The following CYP2C8 variants were observed in gnomAD, a reference collection of about 807,000 sequenced individuals.
CYP2C8 encodes the protein cytochrome P450 2C8.
A neutral mutation model predicts 41.3 loss-of-function variants in CYP2C8; 51 were observed. The observed-to-expected ratio is 1.24, with a 90% CI of 0.99 to 1.56. The LOEUF (loss-of-function observed/expected upper bound fraction) is 1.56. Among genes scored for constraint, CYP2C8 ranks in the 40% most tolerant of loss-of-function variants. The pLI is 0.00. For synonymous variants in CYP2C8, 218 were observed against 205.8 expected, an observed-to-expected ratio of 1.06 and a Z score of -0.51; for missense variants, 651 against 579.9, an observed-to-expected ratio of 1.12 and a Z score of -1.26.
intron 7 of CYP2C8, among the ~76,000 whole-genome samples, chr10:95,039,700 T>C (rs1393482827): frequency 6.6e-6 from 1 of 152,188 alleles, no homozygotes; most frequent in Non-Finnish European, 1.5e-5. Context: ...CGGATAATCT[T>C]AATGCACTCC....
chr10:95,060,074 G>A (rs534994470), intron 4 of CYP2C8, among the ~76,000 whole-genome samples: 24 of 152,294 alleles, frequency 1.6e-4, no homozygotes, highest in Admixed American at 1.4e-3. Flanking sequence ...AAGTCAGGTA[G>A]CCTGATGCCT....
Position 95,067,336 on chromosome 10 carries a change from T to G in CYP2C8, c.353A>C (p.Lys118Thr), listed in dbSNP as rs1011421475. 1.2e-6 allele frequency: 2 copies of G among 1,612,438 alleles called. No homozygotes were observed. The highest frequency in any genetic ancestry group is 2.7e-5 in the African/African-American group (2 of 73,916). ...KGLGIISSNG[K>T]RWKEIRRFSL... ...GAAACGCCGGATCTCCTTCCATCTC[T>G]TTCCATTGCTGGAAATGATTCCTAA... Residue 118 changes from lysine to threonine, a missense_variant, in exon 3 of 9, where the codon AAG becomes ACG. Physicochemically the swap from Lys to Thr is moderately conservative, Grantham distance 78. Coordinates refer to ENST00000371270, the MANE Select transcript of CYP2C8 (RefSeq NM_000770.3).
chr10:95,044,734 T>C (rs1220145439), intron 6 of CYP2C8, among the ~76,000 whole-genome samples: 2 of 151,678 alleles, frequency 1.3e-5, no homozygotes, highest in Non-Finnish European at 2.9e-5. Context: ...TGGGAAAAAA[T>C]CAGGTACCTG....
At chr10:95,056,988 G>C (rs950175077) in intron 5 of CYP2C8, among the ~76,000 whole-genome samples, 2 of 152,136 alleles carry the variant, frequency 1.3e-5, no homozygotes, top group African/African-American at 4.8e-5. Context: ...CTATGATATA[G>C]GCAGAGAGTA....
intron 5 of CYP2C8, among the ~76,000 whole-genome samples, chr10:95,048,622 T>C (rs2033154241): frequency 6.6e-6 from 1 of 151,878 alleles, no homozygotes; most frequent in Non-Finnish European, 1.5e-5. Context: ...AAAAGTTTTC[T>C]CCTTCCCAAA....
At chr10:95,037,456 G>A in intron 8 of CYP2C8, 147 bp from the exon 9 acceptor site, 1 of 715,252 alleles carries the variant, frequency 1.4e-6, no homozygotes, top group Non-Finnish European at 2.4e-6. Context: ...ATGAATGGAT[G>A]GATGACATGA....
chr10:95,062,705 C>T (rs903272920), intron 4 of CYP2C8, among the ~76,000 whole-genome samples: 6 of 152,084 alleles, frequency 3.9e-5, no homozygotes, highest in East Asian at 1.9e-4. Context: ...GGTTATTTTG[C>T]TCGTTAGTTG....
chr10:95,066,581 C>T (rs1288616657), intron 3 of CYP2C8, among the ~76,000 whole-genome samples: 2 of 151,808 alleles, frequency 1.3e-5, no homozygotes, highest in Non-Finnish European at 2.9e-5. Context: ...ATAATTAATC[C>T]TGACAGTTTT....
intron 7 of CYP2C8, 150 bp downstream of exon 7, chr10:95,042,740 G>T: frequency 1.4e-6 from 1 of 716,454 alleles, no homozygotes. Flanking sequence ...AATCTTTATA[G>T]CCCCAAACAA....
chr10:95,066,159 T>A (rs112377497), intron 3 of CYP2C8, among the ~76,000 whole-genome samples: 9,036 of 78,290 alleles, frequency 0.12, 378 homozygotes, highest in African/African-American at 0.18. Context: ...AGAGAGTGTG[T>A]GTGTGTGTGT....
At chr10:95,043,796 T>C (rs933273528) in intron 6 of CYP2C8, among the ~76,000 whole-genome samples, 3 of 152,072 alleles carry the variant, frequency 2.0e-5, no homozygotes, top group Non-Finnish European at 4.4e-5. Flanking sequence ...TACCAGAATA[T>C]ATTTAGACCA....
Position 95,042,934 on chromosome 10 carries a change from C to A in CYP2C8, c.1105G>T (p.Ala369Ser), listed in dbSNP as rs945187704. 1 of 1,614,042 alleles carries A rather than the reference C, an allele frequency of 6.2e-7. No homozygotes were observed. Among genetic ancestry groups the A allele is most frequent in the African/African-American group, 1.3e-5 (1 of 74,928 alleles). ...SDLVPTGVPH[A>S]VTTDTKFRNY... ...CTGAACTTAGTATCAGTGGTCACTG[C>A]ATGGGGCACACCGGTGGGGACAAGG... The change falls in exon 7 of 9, where the codon GCA (alanine) becomes TCA (serine). Residue 369 changes from alanine (A) to serine (S), a missense_variant. Coordinates refer to ENST00000371270, the MANE Select transcript of CYP2C8 (RefSeq NM_000770.3).
chr10:95,060,678 A>G (rs1345139743), intron 4 of CYP2C8, among the ~76,000 whole-genome samples: 4 of 152,102 alleles, frequency 2.6e-5, no homozygotes, highest in African/African-American at 9.7e-5. Context: ...CTCCAACACT[A>G]TGTTGAATAG....
chr10:95,038,761 G>A lies in CYP2C8; in HGVS notation c.1291+136C>T. 2.1e-5 allele frequency: 16 copies of A among 780,068 alleles called. No individual in the cohort carries two copies. The South Asian group carries it at 2.5e-4, about 12-fold the overall frequency. The allele number at this position is 780,068 out of a possible 1,614,324, so 48.3% of individuals were successfully genotyped here. A position where few individuals can be genotyped will look rare whatever the true frequency, so the allele number is the denominator to read the frequency against. ...GTGTATTGTGAGGGTGGAGCACATGGGTGTTAAGAGTGGTGCTCTTGATCA... is the reference window on the plus strand; with the variant it reads ...GTGTATTGTGAGGGTGGAGCACATGAGTGTTAAGAGTGGTGCTCTTGATCA... On this transcript the variant is annotated intron_variant, in intron 8 of 8. Transcript: ENST00000371270.
chr10:95,068,091 AT>A (rs11572072), intron 1 of CYP2C8, among the ~76,000 whole-genome samples: 133 of 152,278 alleles, frequency 8.7e-4, no homozygotes, highest in African/African-American at 3.0e-3. Context: ...CAATTAATCA[AT>A]CCCCCATGTC....
At position 95,069,237 on chromosome 10, in the gene CYP2C8, T is replaced by C. The variant is rs2033630607; in HGVS notation, c.166A>G (p.Asn56Asp). 3 of 1,614,010 alleles carry C rather than the reference T, an allele frequency of 1.9e-6. No individual in the cohort carries two copies. The highest frequency in any genetic ancestry group is 1.7e-5 in the Admixed American group (1 of 59,972). ...GGAGGAACATAAGGCAGACTTACATTGGTGAAAGATTTGCAGATGTCCTTA... is the reference window on the plus strand; with the variant it reads ...GGAGGAACATAAGGCAGACTTACATCGGTGAAAGATTTGCAGATGTCCTTA... ...DVKDICKSFT[N>D]FSKVYGPVFT... Residue 56 changes from asparagine (N) to aspartate (D), a missense_variant and splice_region_variant, in exon 1 of 9, where the codon AAT becomes GAT. Transcript: ENST00000371270.
chr10:95,037,917 C>G (rs2032918513), intron 8 of CYP2C8, among the ~76,000 whole-genome samples: 1 of 152,180 alleles, frequency 6.6e-6, no homozygotes, highest in Non-Finnish European at 1.5e-5. Context: ...TAATCAAATC[C>G]TATGCTCTCT....
intron 3 of CYP2C8, among the ~76,000 whole-genome samples, chr10:95,066,989 C>T (rs775282866): frequency 6.6e-6 from 1 of 152,076 alleles, no homozygotes; most frequent in African/African-American, 2.4e-5. Flanking sequence ...ATTAAATGAC[C>T]TTTTATTCCT....
intron 1 of CYP2C8, among the ~76,000 whole-genome samples, chr10:95,068,976 T>C (rs943322237): frequency 2.6e-5 from 4 of 151,224 alleles, no homozygotes; most frequent in Non-Finnish European, 5.9e-5. Flanking sequence ...GGCAGGAGAA[T>C]GGTGTGAACC....
Sources: gnomAD v4.1 joint callset for allele counts (sites outside exome capture counted in the v4.1 genomes callset) on GRCh38, gnomAD v4.1.1 for gene constraint, MANE v1.5 for transcripts, NCBI Gene and HGNC (gene_info 2026-07-23, HGNC 2026-07-21) for gene names.